RNLS: variants seen among roughly 807,000 people sequenced by gnomAD.
The protein encoded by RNLS is renalase.
Under a neutral mutation model 39.8 loss-of-function variants are expected in RNLS, and 39 were observed. The observed-to-expected ratio is 0.98, with a 90% confidence interval of 0.76 to 1.28. The LOEUF is 1.28. Among genes scored for constraint, RNLS ranks in the 50% most tolerant of loss-of-function variants. The probability of loss-of-function intolerance (pLI) is 0.00; values close to 1 mark genes in which losing one functional copy is unlikely to be tolerated. For synonymous variants in RNLS, 147 were observed against 150.7 expected, an observed-to-expected ratio of 0.98 and a Z score of 0.18; for missense variants, 410 against 413.3, an observed-to-expected ratio of 0.99 and a Z score of 0.07.
At chr10:88,211,530 T>G in the RNLS span, among the ~76,000 whole-genome samples, 13 of 152,230 alleles carry the variant, frequency 8.5e-5, no homozygotes, top group Middle Eastern at 3.4e-3. Context: ...AATTTGAGGA[T>G]GAAGTGCTAT....
intron 4 of RNLS, among the ~76,000 whole-genome samples, chr10:88,382,546 T>A (rs551555476): frequency 2.3e-4 from 35 of 152,276 alleles, no homozygotes; most frequent in Non-Finnish European, 4.4e-4. Context: ...TTACTGAGGA[T>A]GAATAAATTA....
chr10:88,581,431 G>A (rs1850547755), intron 3 of RNLS, 136 bp downstream of exon 3: 1 of 602,790 alleles, frequency 1.7e-6, no homozygotes, highest in Admixed American at 3.8e-5. Flanking sequence ...TTACTTTGGG[G>A]AAGGACTAGC....
At chr10:88,570,457 C>T (rs1312610210) in intron 4 of RNLS, among the ~76,000 whole-genome samples, 3 of 152,208 alleles carry the variant, frequency 2.0e-5, no homozygotes, top group Non-Finnish European at 4.4e-5. Context: ...TGGTCATTCA[C>T]TCAATTCGCA....
chr10:88,567,328 G>A (rs1038014422), intron 4 of RNLS, among the ~76,000 whole-genome samples: 2 of 152,124 alleles, frequency 1.3e-5, no homozygotes, highest in Non-Finnish European at 2.9e-5. Context: ...ACACATTTAG[G>A]AGACAGTCTA....
At chr10:88,309,546 A>C in intron 6 of RNLS, 1 of 981,006 alleles carries the variant, frequency 1.0e-6, no homozygotes, top group Non-Finnish European at 1.4e-6. Flanking sequence ...TTTAACTCCT[A>C]GCAGTACTAT....
chr10:88,514,992 A>T (rs1228236743), intron 4 of RNLS, among the ~76,000 whole-genome samples: 1 of 152,060 alleles, frequency 6.6e-6, no homozygotes, highest in Non-Finnish European at 1.5e-5. Context: ...TTCATTCTAC[A>T]TTCTTACCAA....
intron 6 of RNLS, among the ~76,000 whole-genome samples, chr10:88,276,686 A>G (rs1842825280): frequency 6.6e-6 from 1 of 152,188 alleles, no homozygotes; most frequent in Non-Finnish European, 1.5e-5. Context: ...ATAATAGCAG[A>G]TGAAAGTGCC....
chr10:88,261,510 G>A, the RNLS span, among the ~76,000 whole-genome samples: 733 of 152,256 alleles, frequency 4.8e-3, 3 homozygotes, highest in South Asian at 0.035. Context: ...ATTGCAAGGG[G>A]AAAGAGTACC....
chr10:88,578,808 T>C (rs1025915760), intron 3 of RNLS, among the ~76,000 whole-genome samples: 7 of 152,054 alleles, frequency 4.6e-5, no homozygotes, highest in African/African-American at 1.7e-4. Context: ...AATAAGGAGA[T>C]AGATGCAATG....
rs534516663 is a variant in RNLS, at chr10:88,520,645, G to A, written c.526+52258C>T. ...TTCCACATCTCACACATATGGCACA[G>A]ATGATCCATATCTCTGAATAAATAT... On this transcript the variant is annotated intron_variant, in intron 4 of 6. Transcript: ENST00000331772. Among the ~76,000 whole-genome samples the A allele has an allele frequency of 2.0e-5, 3 of 152,150 alleles. No individual in the cohort carries two copies. The South Asian group carries it at 6.2e-4, about 31-fold the overall frequency.
the RNLS span, among the ~76,000 whole-genome samples, chr10:88,191,090 G>C: frequency 2.6e-4 from 39 of 152,318 alleles, no homozygotes; most frequent in African/African-American, 8.9e-4. Context: ...CAGTGACATC[G>C]AGGGGGCAGG....
At chr10:88,558,966 GA>G (rs1481692732) in intron 4 of RNLS, among the ~76,000 whole-genome samples, 1 of 152,092 alleles carries the variant, frequency 6.6e-6, no homozygotes, top group Non-Finnish European at 1.5e-5. Flanking sequence ...ATGGTCTGCT[GA>G]AAAATGCAAT....
the RNLS span, among the ~76,000 whole-genome samples, chr10:88,189,141 T>C: frequency 6.6e-6 from 1 of 152,228 alleles, no homozygotes. Context: ...ACCACATATA[T>C]GTATGTATAT....
intron 4 of RNLS, among the ~76,000 whole-genome samples, chr10:88,571,303 A>G (rs1849822099): frequency 6.6e-6 from 1 of 152,128 alleles, no homozygotes; most frequent in Admixed American, 6.6e-5. Context: ...TTCTTATTAC[A>G]AAAGAAAAAA....
chr10:88,581,294 G>GTATGTATA, intron 3 of RNLS, among the ~76,000 whole-genome samples: 1 of 129,860 alleles, frequency 7.7e-6, no homozygotes, highest in South Asian at 2.4e-4. Context: ...GTGTGTGTGT[G>GTATGTATA]TATATATATA....
At chr10:88,393,128 G>A (rs1046216478) in intron 4 of RNLS, among the ~76,000 whole-genome samples, 6 of 152,174 alleles carry the variant, frequency 3.9e-5, no homozygotes, top group African/African-American at 1.4e-4. Context: ...TTGAAAACTG[G>A]CACAAGACAG....
At chr10:88,183,935 G>T in the RNLS span, among the ~76,000 whole-genome samples, 1 of 152,114 alleles carries the variant, frequency 6.6e-6, no homozygotes, top group Non-Finnish European at 1.5e-5. Flanking sequence ...TGCTCTATGG[G>T]ACAGCTGAGA....
intron 4 of RNLS, among the ~76,000 whole-genome samples, chr10:88,365,557 G>A (rs1413408301): frequency 7.3e-6 from 1 of 137,126 alleles, no homozygotes; most frequent in South Asian, 2.4e-4. Context: ...ACACACACAC[G>A]TACGTATATG....
chr10:88,219,457 G>T, the RNLS span, among the ~76,000 whole-genome samples: 1 of 152,172 alleles, frequency 6.6e-6, no homozygotes, highest in South Asian at 2.1e-4. Flanking sequence ...ATTACAAACA[G>T]CTCCCCTGAC....
Sources: allele counts gnomAD v4.1 joint callset (sites outside exome capture counted in the v4.1 genomes callset), GRCh38; gene constraint gnomAD v4.1.1; transcripts MANE v1.5; gene names NCBI Gene and HGNC (gene_info 2026-07-23, HGNC 2026-07-21).